The following MROH7 variants were observed in gnomAD, a reference collection of about 807,000 sequenced individuals.
MROH7 encodes maestro heat like repeat family member 7.
In MROH7, 113 loss-of-function variants were observed where a neutral mutation model predicts 129.2. That is an observed-to-expected ratio of 0.87 (90% CI 0.75 to 1.02). The LOEUF is 1.02. MROH7 is among the 50% of genes least tolerant of loss of function. The probability of loss-of-function intolerance (pLI) is 0.00; values close to 1 mark genes in which losing one functional copy is unlikely to be tolerated. For missense variants in MROH7, 1,601 were observed against 1,671.3 expected (o/e 0.96, Z 0.73); for synonymous variants, 655 against 667.9 (o/e 0.98, Z 0.30).
chr1:54,707,688 T>C (rs1490326334), intron 22 of MROH7, among the ~76,000 whole-genome samples: 2 of 152,210 alleles, frequency 1.3e-5, no homozygotes, highest in Non-Finnish European at 2.9e-5. Flanking sequence ...ATCATCTGTA[T>C]GTCAGGGCCT....
intron 1 of MROH7, among the ~76,000 whole-genome samples, chr1:54,644,239 G>T: frequency 6.7e-6 from 1 of 150,332 alleles, no homozygotes; most frequent in Non-Finnish European, 1.5e-5. Flanking sequence ...TTTTTTTGGG[G>T]GGTGGGGAGG....
chr1:54,706,663 C>T, intron 22 of MROH7, 126 bp downstream of exon 22: 1 of 673,822 alleles, frequency 1.5e-6, no homozygotes, highest in Non-Finnish European at 2.6e-6. Context: ...AAGGCTTGGC[C>T]ACCAGACAGC....
At chr1:54,709,689 A>G (rs906632070) in intron 23 of MROH7, among the ~76,000 whole-genome samples, 1 of 152,042 alleles carries the variant, frequency 6.6e-6, no homozygotes, top group African/African-American at 2.4e-5. Flanking sequence ...GTGGGGACTG[A>G]CTCACTTTGT....
chr1:54,682,908 GTTGTGTGGTC>G, intron 14 of MROH7, 114 bp downstream of exon 14: 1 of 1,221,144 alleles, frequency 8.2e-7, no homozygotes, highest in East Asian at 2.5e-5. Flanking sequence ...CCAGTAACTA[GTTGTGTGGTC>G]TTGGGCAGGT....
At chr1:54,667,848 G>A (rs1201882364) in intron 4 of MROH7, among the ~76,000 whole-genome samples, 2 of 152,158 alleles carry the variant, frequency 1.3e-5, no homozygotes, top group African/African-American at 4.8e-5. Context: ...TACTCAGAAG[G>A]CTGAGACTGA....
chr1:54,699,287 C>G (rs1557727577), intron 17 of MROH7: 1 of 147,798 alleles, frequency 6.8e-6, no homozygotes, highest in Non-Finnish European at 1.5e-5. Flanking sequence ...CTCCTTCTCT[C>G]TCTTTATTTC....
At chr1:54,667,772 T>TA (rs36015308) in intron 4 of MROH7, among the ~76,000 whole-genome samples, 54,409 of 145,064 alleles carry the variant, frequency 0.38, 10,417 homozygotes, top group South Asian at 0.53. Context: ...ATTTACAAAG[T>TA]AAAAAAAAAA....
rs199793890 is a variant in MROH7, at chr1:54,668,944, G to A, written c.1389+7G>A. On this transcript the variant is annotated splice_region_variant and intron_variant, in intron 5 of 23. Transcript: ENST00000421030. ...CATGATAAAGAAGATTATGGTGGGGGAGCCACAGGCGGGTCTGTGGCATTG... is the reference window on the plus strand; with the variant it reads ...CATGATAAAGAAGATTATGGTGGGGAAGCCACAGGCGGGTCTGTGGCATTG... 1.2e-6 allele frequency: 2 copies of A among 1,601,602 alleles called. No homozygotes were observed. The highest frequency in any genetic ancestry group is 1.7e-5 in the Admixed American group (1 of 59,952).
At chr1:54,708,417 AAAACAAACAAAC>A (rs55969302) in intron 22 of MROH7, among the ~76,000 whole-genome samples, 1 of 150,552 alleles carries the variant, frequency 6.6e-6, no homozygotes, top group South Asian at 2.1e-4. Context: ...ACACTGTCTA[AAAACAAACAAAC>A]AAACAAACAA....
At position 54,673,741 on chromosome 1, in the gene MROH7, G is replaced by A. The variant is rs527661535; in HGVS notation, c.1736G>A (p.Arg579Gln). Reference sequence around the variant, plus strand: ...ATGAACTCTGGGAAGGCCCATGAGCGAGCACGGGCTGTGAACACCAATGTC... The same window carrying A: ...ATGAACTCTGGGAAGGCCCATGAGCAAGCACGGGCTGTGAACACCAATGTC... ...PWMNSGKAHE[R>Q]ARAVNTNVSV... Residue 579 changes from arginine to glutamine, a missense_variant, in exon 9 of 24, where the codon CGA (arginine) becomes CAA (glutamine). Transcript: ENST00000421030. 3.6e-5 allele frequency: 58 copies of A among 1,614,146 alleles called. No individual in the cohort carries two copies. In the Admixed American group the frequency reaches 5.0e-4, roughly 14 times the overall value.
chr1:54,656,465 G>A (rs1644647305), intron 3 of MROH7, among the ~76,000 whole-genome samples: 3 of 136,020 alleles, frequency 2.2e-5, no homozygotes, highest in Non-Finnish European at 3.1e-5. Context: ...AGCCGAGATT[G>A]AGCCACTGCA....
chr1:54,648,128 C>T (rs1480008428), intron 1 of MROH7, among the ~76,000 whole-genome samples: 1 of 151,856 alleles, frequency 6.6e-6, no homozygotes, highest in Non-Finnish European at 1.5e-5. Context: ...AAGTGATCCT[C>T]CCACTTCAGC....
At chr1:54,652,824 G>A in intron 2 of MROH7, 29 bp from the exon 3 acceptor site, 2 of 1,450,996 alleles carry the variant, frequency 1.4e-6, no homozygotes, top group Middle Eastern at 1.9e-4. Flanking sequence ...GGTGTGGCAT[G>A]GCTGCATTTG....
At position 54,673,765 on chromosome 1, in the gene MROH7, T is replaced by A; in HGVS notation, c.1760T>A (p.Val587Asp). Residue 587 changes from valine (V) to aspartate (D), a missense_variant, in exon 9 of 24, where the codon GTC (valine) becomes GAC (aspartate). By Grantham distance (152) the Val-to-Asp change is radical (BLOSUM62 -3). Transcript: ENST00000421030. ...CGAGCACGGGCTGTGAACACCAATGTCTCTGTGTTGAACCACATGCTTCTA... is the reference window on the plus strand; with the variant it reads ...CGAGCACGGGCTGTGAACACCAATGACTCTGTGTTGAACCACATGCTTCTA... ...HERARAVNTNVSVLNHMLLTL... is the reference protein window; with the variant it reads ...HERARAVNTNDSVLNHMLLTL... The A allele has an allele frequency of 6.2e-7, 1 of 1,614,138 alleles. No individual in the cohort carries two copies. Among genetic ancestry groups the A allele is most frequent in the Non-Finnish European group, 8.5e-7 (1 of 1,180,002 alleles).
Position 54,680,034 on chromosome 1 carries a change from C to T in MROH7, c.2370C>T (p.Leu790=), listed in dbSNP as rs1175965401. Residue 790 remains leucine, a synonymous_variant, in exon 13 of 24, where the codon CTC becomes CTT. Coordinates refer to ENST00000421030, the MANE Select transcript of MROH7 (RefSeq NM_001039464.4). ...EVVVALLMCP[L]PLNSNGAEMW... ...TGGTGGCCCTGCTCATGTGCCCCCTCCCACTGAACAGGTACCAAGTGAAGG... is the reference window on the plus strand; with the variant it reads ...TGGTGGCCCTGCTCATGTGCCCCCTTCCACTGAACAGGTACCAAGTGAAGG... 8 of 1,613,960 alleles carry T rather than the reference C, an allele frequency of 5.0e-6. No homozygotes were observed. Among genetic ancestry groups the T allele is most frequent in the East Asian group, 4.5e-5 (2 of 44,882 alleles).
Position 54,702,047 on chromosome 1 carries a change from G to A in MROH7, c.3286-43G>A, listed in dbSNP as rs377141385. ...CTCTGAATCAGCCGCAGTGAGTGGC[G>A]TCCCAGAGGAGGGACCCCCTCTGAG... On this transcript the variant is annotated intron_variant, in intron 19 of 23. Transcript: ENST00000421030. The A allele has an allele frequency of 7.8e-5, 117 of 1,495,498 alleles. No individual in the cohort carries two copies. In the South Asian group the frequency reaches 1.2e-3, roughly 16 times the overall value. The allele number at this position is 1,495,498 out of a possible 1,614,324, so 92.6% of individuals were successfully genotyped here. A position where few individuals can be genotyped will look rare whatever the true frequency, so the allele number is the denominator to read the frequency against.
chr1:54,690,010 A>G (rs1201797946), intron 15 of MROH7, among the ~76,000 whole-genome samples: 13 of 151,904 alleles, frequency 8.6e-5, no homozygotes, highest in South Asian at 2.1e-4. Context: ...AAAGAAAGCA[A>G]CTCCATGTCA....
intron 15 of MROH7, among the ~76,000 whole-genome samples, chr1:54,692,211 T>C (rs894765788): frequency 6.6e-6 from 1 of 152,158 alleles, no homozygotes; most frequent in Non-Finnish European, 1.5e-5. Context: ...ACAGCCTTCA[T>C]AGGGAGGTGG....
At chr1:54,699,979 A>G (rs1468124898) in intron 17 of MROH7, 5 of 620,232 alleles carry the variant, frequency 8.1e-6, no homozygotes, top group South Asian at 5.8e-5. Context: ...CAGCCTGGGT[A>G]GTTCAGAGAA....
Sources: allele counts gnomAD v4.1 joint callset (sites outside exome capture counted in the v4.1 genomes callset), GRCh38; gene constraint gnomAD v4.1.1; transcripts MANE v1.5; gene names NCBI Gene and HGNC (gene_info 2026-07-23, HGNC 2026-07-21).